The following WWOX variants were observed in gnomAD, a reference collection of about 807,000 sequenced individuals.
The protein encoded by WWOX is WW domain-containing oxidoreductase.
In WWOX, 69 loss-of-function variants were observed where a neutral mutation model predicts 46.2. The observed-to-expected ratio is 1.49, with a 90% CI of 1.23 to 1.82. WWOX has a LOEUF of 1.82. Ranked by LOEUF, WWOX falls within the 40% of genes most tolerant of loss-of-function variation. The pLI is 0.00. For missense variants in WWOX, 919 were observed against 542.6 expected, an observed-to-expected ratio of 1.69 and a Z score of -6.89; for synonymous variants, 359 against 202.6, an observed-to-expected ratio of 1.77 and a Z score of -6.56.
chr16:78,478,295 A>G (rs959332855), intron 8 of WWOX, among the ~76,000 whole-genome samples: 3 of 152,168 alleles, frequency 2.0e-5, no homozygotes, highest in Admixed American at 6.5e-5. Context: ...GAAAACAAAC[A>G]CAGTGTATCC....
intron 8 of WWOX, among the ~76,000 whole-genome samples, chr16:79,067,451 C>A (rs1430411080): frequency 6.6e-6 from 1 of 152,104 alleles, no homozygotes; most frequent in African/African-American, 2.4e-5. Flanking sequence ...TTTGGGCTTC[C>A]CTCCACCTGA....
chr16:78,192,491 C>CAAAA (rs56109773), intron 5 of WWOX, among the ~76,000 whole-genome samples: 55 of 86,574 alleles, frequency 6.4e-4, no homozygotes, highest in African/African-American at 9.3e-4. Context: ...GACTCCGTCT[C>CAAAA]AAAAAAAAAA....
At chr16:79,145,462 A>G (rs1264782231) in intron 8 of WWOX, among the ~76,000 whole-genome samples, 1 of 152,142 alleles carries the variant, frequency 6.6e-6, no homozygotes, top group African/African-American at 2.4e-5. Context: ...TCAACCTCCC[A>G]AAGTGTTGAG....
At chr16:78,974,011 C>G (rs905749419) in intron 8 of WWOX, among the ~76,000 whole-genome samples, 3 of 152,202 alleles carry the variant, frequency 2.0e-5, no homozygotes, top group African/African-American at 7.2e-5. Context: ...TAGCACAAAA[C>G]TCATGCAACA....
chr16:78,269,952 T>C (rs1597427730), intron 5 of WWOX, among the ~76,000 whole-genome samples: 1 of 143,698 alleles, frequency 7.0e-6, no homozygotes, highest in East Asian at 2.0e-4. Context: ...AGGTATTTTT[T>C]TGTGGAGTAT....
At chr16:78,145,432 G>A (rs778421971) in intron 4 of WWOX, among the ~76,000 whole-genome samples, 19 of 152,114 alleles carry the variant, frequency 1.2e-4, no homozygotes, top group Non-Finnish European at 2.5e-4. Flanking sequence ...GAAGAACTTG[G>A]AGTCCGATGT....
At chr16:78,349,414 C>G (rs1250574228) in intron 5 of WWOX, among the ~76,000 whole-genome samples, 1 of 121,102 alleles carries the variant, frequency 8.3e-6, no homozygotes, top group Non-Finnish European at 2.0e-5. Flanking sequence ...GAGGCTATAA[C>G]GAATACCACT....
intron 8 of WWOX, among the ~76,000 whole-genome samples, chr16:78,777,022 T>C (rs1307316192): frequency 6.6e-6 from 1 of 152,186 alleles, no homozygotes; most frequent in South Asian, 2.1e-4. Flanking sequence ...AGAGTATATG[T>C]GTTTTCAGAT....
chr16:78,771,732 A>C (rs555938223), intron 8 of WWOX, among the ~76,000 whole-genome samples: 29 of 152,014 alleles, frequency 1.9e-4, no homozygotes, highest in Non-Finnish European at 4.0e-4. Context: ...AGATTGTGCC[A>C]CTGCACTTCA....
chr16:78,782,058 G>C (rs1332651282), intron 8 of WWOX, among the ~76,000 whole-genome samples: 2 of 152,232 alleles, frequency 1.3e-5, no homozygotes, highest in East Asian at 3.9e-4. Context: ...TCTTTGGAAG[G>C]GTAGGTGGCG....
At chr16:78,261,282 G>GATAGATAC (rs1306723161) in intron 5 of WWOX, among the ~76,000 whole-genome samples, 11 of 139,972 alleles carry the variant, frequency 7.9e-5, no homozygotes, top group African/African-American at 2.9e-4. Context: ...TAGATAGATA[G>GATAGATAC]ATACATACAT....
intron 8 of WWOX, chr16:78,873,297 C>G (rs2044166324): frequency 6.6e-6 from 1 of 152,164 alleles, no homozygotes; most frequent in Admixed American, 6.5e-5. Flanking sequence ...CGTGTAGCTC[C>G]TAATTGGAAT....
At chr16:78,292,200 T>A (rs1482102314) in intron 5 of WWOX, among the ~76,000 whole-genome samples, 1 of 152,070 alleles carries the variant, frequency 6.6e-6, no homozygotes, top group East Asian at 1.9e-4. Context: ...ATGATGTCCT[T>A]CAGTTTCTGT....
chr16:78,962,528 T>G (rs1597211068), intron 8 of WWOX, among the ~76,000 whole-genome samples: 1 of 151,996 alleles, frequency 6.6e-6, no homozygotes. Context: ...ATGTATTCTG[T>G]CAGACAATTC....
chr16:78,927,586 A>G (rs371450080), intron 8 of WWOX, among the ~76,000 whole-genome samples: 1 of 152,222 alleles, frequency 6.6e-6, no homozygotes, highest in African/African-American at 2.4e-5. Flanking sequence ...TACCAGCACT[A>G]CAACCCTATG....
chr16:78,220,931 T>G (rs1175327534), intron 5 of WWOX, among the ~76,000 whole-genome samples: 2 of 152,232 alleles, frequency 1.3e-5, no homozygotes, highest in Non-Finnish European at 2.9e-5. Context: ...AAGCTTGCAT[T>G]TATTACTCTA....
chr16:79,171,977 A>G (rs1040862419), intron 8 of WWOX, among the ~76,000 whole-genome samples: 6 of 152,222 alleles, frequency 3.9e-5, no homozygotes, highest in Admixed American at 3.9e-4. Context: ...TGCAGTTGGC[A>G]GTTTGCCATG....
intron 8 of WWOX, among the ~76,000 whole-genome samples, chr16:78,961,200 C>T (rs77891568): frequency 1.5e-3 from 221 of 152,194 alleles, no homozygotes; most frequent in African/African-American, 4.8e-3. Context: ...ATGGTGACAT[C>T]AGAAGTTAAA....
intron 8 of WWOX, among the ~76,000 whole-genome samples, chr16:78,858,684 C>A (rs1423398050): frequency 6.6e-6 from 1 of 151,712 alleles, no homozygotes; most frequent in Non-Finnish European, 1.5e-5. Flanking sequence ...TCAACATGTC[C>A]TTTTTATTTT....
Sources: allele counts gnomAD v4.1 joint callset (sites outside exome capture counted in the v4.1 genomes callset), GRCh38; gene constraint gnomAD v4.1.1; transcripts MANE v1.5; gene names NCBI Gene and HGNC (gene_info 2026-07-23, HGNC 2026-07-21).